The following ONECUT3 variants were observed in gnomAD, a reference collection of about 807,000 sequenced individuals.
The protein encoded by ONECUT3 is one cut domain family member 3.
In ONECUT3, 11 loss-of-function variants were observed where a neutral mutation model predicts 16.8. The ratio of observed to expected loss-of-function variants is 0.66; its 90% confidence interval spans 0.41 to 1.09. ONECUT3 has a LOEUF of 1.09. Ranked by LOEUF, ONECUT3 falls within the 50% of genes least tolerant of loss-of-function variation. ONECUT3 has a pLI of 0.00. For synonymous variants in ONECUT3, 344 were observed against 310.7 expected, an observed-to-expected ratio of 1.11 and a Z score of -1.13; for missense variants, 637 against 629.9, an observed-to-expected ratio of 1.01 and a Z score of -0.12.
At chr19:1,767,963 A>C (rs2068008529) in intron 1 of ONECUT3, among the ~76,000 whole-genome samples, 1 of 151,942 alleles carries the variant, frequency 6.6e-6, no homozygotes, top group Admixed American at 6.6e-5. Context: ...GATTCCAAAA[A>C]GACTGATAAC....
intron 1 of ONECUT3, among the ~76,000 whole-genome samples, chr19:1,770,359 C>T (rs1349911435): frequency 1.3e-5 from 2 of 152,224 alleles, no homozygotes; most frequent in East Asian, 3.9e-4. Context: ...ATTGCTTGAG[C>T]CCAGGAGTTC....
In ONECUT3 at chr19:1,754,790, C is replaced by T; in HGVS notation, c.1128C>T (p.Phe376=). Residue 376 remains phenylalanine (F), a synonymous_variant, in exon 1 of 2, where the codon TTC becomes TTT. Transcript: ENST00000382349. This position sits in a 1 kb window ranked among gnomAD's most constrained non-coding sequence, Gnocchi z 7.4. ...AGCTCAAATCCGGCCGCGAGACCTT[C>T]CGCAGGATGTGGAAGTGGCTGCAGG... ...WSKLKSGRET[F]RRMWKWLQEP... 6.4e-7 allele frequency: 1 copy of T among 1,563,518 alleles called. No homozygotes were observed. Among genetic ancestry groups the T allele is most frequent in the South Asian group, 1.2e-5 (1 of 84,288 alleles).
At position 1,766,809 on chromosome 19, in the gene ONECUT3, C is replaced by T. The variant is rs1015454069; in HGVS notation, c.1193-8344C>T. 1.8e-5 allele frequency among the ~76,000 whole-genome samples: 2 copies of T among 114,176 alleles called. No homozygotes were observed. The highest frequency in any genetic ancestry group is 7.6e-5 in the Admixed American group (1 of 13,116). 74.9% of individuals were successfully genotyped at this position (114,176 alleles called of 152,430 possible). On this transcript the variant is annotated intron_variant, in intron 1 of 1. Transcript: ENST00000382349. This position sits in a 1 kb window ranked among gnomAD's most constrained non-coding sequence, Gnocchi z 4.0. ...CAGGGTCTTGCAGGCTGGGCTGAGA[C>T]CCCCCCCCCATGCTCCACCACCCTC...
chr19:1,757,752 T>G (rs1271898204), intron 1 of ONECUT3, among the ~76,000 whole-genome samples: 2 of 152,246 alleles, frequency 1.3e-5, no homozygotes, highest in East Asian at 3.9e-4. Context: ...GCTGCGCAAA[T>G]GAAAAGCGGT....
rs1729189704 is a variant in ONECUT3 at position 1,754,052 on chromosome 19, C to G, written c.390C>G (p.Ala130=). The change falls in exon 1 of 2, where the codon GCC becomes GCG. Residue 130 remains alanine, a synonymous_variant. Transcript: ENST00000382349. This position sits in a 1 kb window ranked among gnomAD's most constrained non-coding sequence, Gnocchi z 7.4. ...ACAAGTTCCACCAGCACGCGGCGGC[C>G]GCGGCCGTGGCCGGGGCGCACGGCG... ...VADKFHQHAA[A]AAVAGAHGGH... is the part of the protein sequence containing the mutation. The G allele has an allele frequency of 1.0e-6, 1 of 992,510 alleles. No individual in the cohort carries two copies. Among genetic ancestry groups the G allele is most frequent in the Non-Finnish European group, 1.2e-6 (1 of 836,382 alleles). The allele number at this position is 992,510 out of a possible 1,614,324, so 61.5% of individuals were successfully genotyped here. A position where few individuals can be genotyped will look rare whatever the true frequency, so the allele number is the denominator to read the frequency against.
intron 1 of ONECUT3, among the ~76,000 whole-genome samples, chr19:1,770,454 A>G (rs1038932302): frequency 2.0e-5 from 3 of 152,176 alleles, no homozygotes; most frequent in Non-Finnish European, 4.4e-5. Flanking sequence ...AACAAGAATT[A>G]TTGTTAAGAA....
In ONECUT3 at chr19:1,778,865, ATC is replaced by A. The variant is rs2068132217; in HGVS notation, c.*3421_*3422del. 1 of 92,112 alleles carries A rather than the reference ATC, an allele frequency of 1.1e-5. No homozygotes were observed. The highest frequency in any genetic ancestry group is 3.5e-4 in the South Asian group (1 of 2,830). The allele number at this position is 92,112 out of a possible 1,614,324, so 5.7% of individuals were successfully genotyped here. On this transcript the variant is annotated 3_prime_UTR_variant, in exon 2 of 2. Transcript: ENST00000382349. ...CTGGATCCTTTTCAGATATCTTCGT[ATC>A]ACACACACACACACACACACACACA...
intron 1 of ONECUT3, among the ~76,000 whole-genome samples, chr19:1,768,999 T>TGGA (rs138220122): frequency 0.14 from 3,250 of 23,840 alleles, 23 homozygotes; most frequent in African/African-American, 0.19. Flanking sequence ...GTGGAGGTGA[T>TGGA]GGTGGAGGTG....
chr19:1,765,996 T>C (rs1453915071), intron 1 of ONECUT3, among the ~76,000 whole-genome samples: 2 of 152,228 alleles, frequency 1.3e-5, no homozygotes, highest in African/African-American at 4.8e-5. Context: ...CACACAGGGA[T>C]GTCACACCAA....
chr19:1,778,910 A>ACACC lies in ONECUT3; in HGVS notation c.*3467_*3470dup, dbSNP rs1341563788. 1.6e-5 allele frequency: 2 copies of ACACC among 127,286 alleles called. No individual in the cohort carries two copies. The highest frequency in any genetic ancestry group is 3.1e-5 in the African/African-American group (1 of 32,600). The allele number at this position is 127,286 out of a possible 1,614,324, so 7.9% of individuals were successfully genotyped here. A position where few individuals can be genotyped will look rare whatever the true frequency, so the allele number is the denominator to read the frequency against. ...CACACACACACACACACACACACAC[A>ACACC]CACCCCTACCTGTTTCCGGACCCCA... On this transcript the variant is annotated 3_prime_UTR_variant, in exon 2 of 2. Transcript: ENST00000382349.
At chr19:1,756,051 G>A (rs1259555572) in intron 1 of ONECUT3, among the ~76,000 whole-genome samples, 3 of 152,006 alleles carry the variant, frequency 2.0e-5, no homozygotes, top group Non-Finnish European at 2.9e-5. Context: ...TCTGGGAGGC[G>A]CCCCACTAGC....
chr19:1,765,325 C>G (rs2067976738), intron 1 of ONECUT3, among the ~76,000 whole-genome samples: 1 of 152,202 alleles, frequency 6.6e-6, no homozygotes, highest in Admixed American at 6.5e-5. Flanking sequence ...CAGGGACCTT[C>G]CCTCCAGCTG....
At position 1,754,424 on chromosome 19, in the gene ONECUT3, C is replaced by A. The variant is rs962109683; in HGVS notation, c.762C>A (p.Arg254=). 1.9e-6 allele frequency: 2 copies of A among 1,046,576 alleles called. No homozygotes were observed. Among genetic ancestry groups the A allele is most frequent in the Non-Finnish European group, 2.3e-6 (2 of 867,974 alleles). 64.8% of individuals were successfully genotyped at this position (1,046,576 alleles called of 1,614,324 possible). A position where few individuals can be genotyped will look rare whatever the true frequency, so the allele number is the denominator to read the frequency against. ...AGCCGCACGCCGCGCTGCTGGGACG[C>A]GCGGAGGACGCACTGGCCCGCGGGC... ...AFEPHAALLG[R]AEDALARGLP... is the part of the protein sequence containing the mutation. The change falls in exon 1 of 2, where the codon CGC becomes CGA. Residue 254 remains arginine, a synonymous_variant. Coordinates refer to ENST00000382349, the MANE Select transcript of ONECUT3 (RefSeq NM_001080488.2). The surrounding 1 kb of genome is among the most constrained non-coding windows in gnomAD (Gnocchi z 7.4).
chr19:1,760,983 C>G (rs1782405551), intron 1 of ONECUT3, among the ~76,000 whole-genome samples: 2 of 151,608 alleles, frequency 1.3e-5, no homozygotes, highest in South Asian at 4.2e-4. Flanking sequence ...CCACTCTAGT[C>G]TAAACCACTA....
At position 1,762,621 on chromosome 19, in the gene ONECUT3, C is replaced by T. The variant is rs545080807; in HGVS notation, c.1192+7767C>T. Among the ~76,000 whole-genome samples the T allele has an allele frequency of 1.3e-5, 2 of 152,368 alleles. No individual in the cohort carries two copies. The highest frequency in any genetic ancestry group is 3.9e-4 in the East Asian group (2 of 5,188). ...AACAGCCTGACAGGACCTGGACGCACGTGCCCCGGCGCCAGGAGACCCGGG... is the reference window on the plus strand; with the variant it reads ...AACAGCCTGACAGGACCTGGACGCATGTGCCCCGGCGCCAGGAGACCCGGG... On this transcript the variant is annotated intron_variant, in intron 1 of 1. Transcript: ENST00000382349. This position sits in a 1 kb window ranked among gnomAD's most constrained non-coding sequence, Gnocchi z 4.4.
chr19:1,764,814 A>C lies in ONECUT3; in HGVS notation c.1192+9960A>C. On this transcript the variant is annotated intron_variant, in intron 1 of 1. Coordinates refer to ENST00000382349, the MANE Select transcript of ONECUT3 (RefSeq NM_001080488.2). The surrounding 1 kb of genome is among the most constrained non-coding windows in gnomAD (Gnocchi z 5.0). Reference sequence around the variant, plus strand: ...GAGAGGCCACGGGGGGGGGATGCGCAGGGGGGACAAGACACCAGCATGGGG... The same window carrying C: ...GAGAGGCCACGGGGGGGGGATGCGCCGGGGGGACAAGACACCAGCATGGGG... Among the ~76,000 whole-genome samples the C allele has an allele frequency of 9.7e-6, 1 of 103,468 alleles. No homozygotes were observed. The highest frequency in any genetic ancestry group is 2.0e-5 in the Non-Finnish European group (1 of 49,964). 67.9% of individuals were successfully genotyped at this position (103,468 alleles called of 152,430 possible).
intron 1 of ONECUT3, among the ~76,000 whole-genome samples, chr19:1,756,284 T>C (rs1055563816): frequency 3.9e-5 from 6 of 152,146 alleles, no homozygotes; most frequent in Admixed American, 3.9e-4. Context: ...TGGAACCTCT[T>C]ATGGGATTCT....
chr19:1,775,070 G>A (rs1052739953), intron 1 of ONECUT3, 83 bp from the exon 2 acceptor site: 8 of 839,560 alleles, frequency 9.5e-6, no homozygotes, highest in Non-Finnish European at 1.4e-5. Flanking sequence ...TCCTCCGGGC[G>A]GCGTGCGCCT....
chr19:1,753,743 C>CT lies in ONECUT3; in HGVS notation c.81_82insT (p.Ala28CysfsTer448). The stretch of plus-strand genomic sequence containing the variant: ...CGGGCGAGCTGCTGAGCCCGGGCCA[C>CT]GCGCGCTCGGCGGCGGCGCAGCACC... On this transcript the variant is annotated frameshift_variant, in exon 1 of 2. Coordinates refer to ENST00000382349, the MANE Select transcript of ONECUT3 (RefSeq NM_001080488.2). LOFTEE classifies it high-confidence loss of function. 2.0e-6 allele frequency: 2 copies of CT among 1,020,948 alleles called. No individual in the cohort carries two copies. Among genetic ancestry groups the CT allele is most frequent in the Non-Finnish European group, 2.3e-6 (2 of 855,142 alleles). 63.2% of individuals were successfully genotyped at this position (1,020,948 alleles called of 1,614,324 possible). A position where few individuals can be genotyped will look rare whatever the true frequency, so the allele number is the denominator to read the frequency against.
Sources: gnomAD v4.1 joint callset for allele counts (sites outside exome capture counted in the v4.1 genomes callset) on GRCh38, gnomAD v4.1.1 for gene constraint, Gnocchi (gnomAD v3.1) non-coding constraint, MANE v1.5 for transcripts, NCBI Gene and HGNC (gene_info 2026-07-23, HGNC 2026-07-21) for gene names.